Variants in TMEM161B observed in about 807,000 individuals in gnomAD.
The protein encoded by TMEM161B is transmembrane protein 161B.
A neutral mutation model predicts 61.8 loss-of-function variants in TMEM161B; 34 were observed. That is an observed-to-expected ratio of 0.55 (90% CI 0.42 to 0.73). The LOEUF (loss-of-function observed/expected upper bound fraction) is 0.73, where lower values mean the gene tolerates loss of function less well. TMEM161B is among the 30% of genes least tolerant of loss of function. The pLI is 0.00. For missense variants in TMEM161B, 456 were observed against 558.5 expected (o/e 0.82, Z 1.85); for synonymous variants, 167 against 192.8 (o/e 0.87, Z 1.11).
At position 88,196,364 on chromosome 5, in the gene TMEM161B, T is replaced by C. The variant is rs1245699822; in HGVS notation, c.1311A>G (p.Thr437=). ...SAEGKMKVTV[T]QITVALSSLK... ...AGCTGCTCAGTGCCACTGTTATTTG[T>C]GTAACAGTTACCTTCATTTTCCCTT... is the stretch of plus-strand genomic sequence containing the variant. Residue 437 remains threonine (T), a synonymous_variant, in exon 12 of 12, where the codon ACA becomes ACG. Coordinates refer to ENST00000296595, the MANE Select transcript of TMEM161B (RefSeq NM_153354.5). The C allele has an allele frequency of 6.2e-7, 1 of 1,613,336 alleles. No homozygotes were observed. The highest frequency in any genetic ancestry group is 8.5e-7 in the Non-Finnish European group (1 of 1,179,578).
rs529923255 is a variant in TMEM161B at position 88,256,555 on chromosome 5, T to C, written c.3+12166A>G. Among the ~76,000 whole-genome samples, 103 of 152,364 alleles carry C rather than the reference T, an allele frequency of 6.8e-4. 2 individuals are homozygous for C. In the South Asian group the frequency reaches 0.014, roughly 21 times the overall value. On this transcript the variant is annotated intron_variant, in intron 1 of 11. Transcript: ENST00000296595. The stretch of plus-strand genomic sequence containing the variant: ...TGCTACTGAGTCTTCAACATTCATG[T>C]GCACTATAAAACGTTCATTGACTTT...
intron 1 of TMEM161B, among the ~76,000 whole-genome samples, chr5:88,262,762 T>C (rs758765646): frequency 2.0e-5 from 3 of 152,076 alleles, no homozygotes; most frequent in Non-Finnish European, 2.9e-5. Flanking sequence ...TCAATGTAGA[T>C]TCATCAATTG....
At chr5:88,249,010 G>A (rs764795928) in intron 1 of TMEM161B, among the ~76,000 whole-genome samples, 1 of 152,088 alleles carries the variant, frequency 6.6e-6, no homozygotes, top group Non-Finnish European at 1.5e-5. Context: ...AATGGAAAGT[G>A]GTTTTACAAA....
chr5:88,246,116 A>C (rs1753582660), intron 1 of TMEM161B, among the ~76,000 whole-genome samples: 1 of 151,872 alleles, frequency 6.6e-6, no homozygotes. Context: ...ACCTCACTCT[A>C]TCTCTTTACT....
intron 9 of TMEM161B, chr5:88,199,389 G>C: frequency 2.9e-6 from 1 of 348,568 alleles, no homozygotes; most frequent in Non-Finnish European, 5.1e-6. Context: ...GAAAAAAGTA[G>C]AGCAATACAT....
chr5:88,206,005 G>T, intron 7 of TMEM161B, 51 bp from the exon 8 acceptor site: 1 of 1,349,278 alleles, frequency 7.4e-7, no homozygotes, highest in Non-Finnish European at 1.0e-6. Flanking sequence ...ATTAGCTTTT[G>T]AAGAATTTCT....
chr5:88,268,339 G>T (rs1036756263), intron 1 of TMEM161B, among the ~76,000 whole-genome samples: 2 of 152,206 alleles, frequency 1.3e-5, no homozygotes, highest in Admixed American at 6.5e-5. Context: ...GCATTTCTAA[G>T]ATCTGAAGTT....
At chr5:88,229,718 G>T (rs566095907) in intron 2 of TMEM161B, among the ~76,000 whole-genome samples, 2 of 148,916 alleles carry the variant, frequency 1.3e-5, no homozygotes, top group African/African-American at 5.0e-5. Context: ...CAAAAATCTA[G>T]ATTTTTTAAA....
chr5:88,203,746 C>T (rs1416924816), intron 8 of TMEM161B, among the ~76,000 whole-genome samples: 2 of 85,330 alleles, frequency 2.3e-5, no homozygotes, highest in Admixed American at 1.3e-4. Flanking sequence ...AATAATTTCC[C>T]TATCATATAT....
chr5:88,187,863 T>C (rs1580264247), downstream of TMEM161B, among the ~76,000 whole-genome samples: 1 of 152,188 alleles, frequency 6.6e-6, no homozygotes, highest in East Asian at 1.9e-4. Flanking sequence ...TGATGATCTC[T>C]TATAGCTTCT....
chr5:88,253,852 T>C (rs1754650351), intron 1 of TMEM161B, among the ~76,000 whole-genome samples: 1 of 151,982 alleles, frequency 6.6e-6, no homozygotes, highest in African/African-American at 2.4e-5. Context: ...AAAAAATAAA[T>C]TAGGCATGAG....
chr5:88,221,968 C>T (rs1312531119), intron 4 of TMEM161B, among the ~76,000 whole-genome samples: 1 of 152,158 alleles, frequency 6.6e-6, no homozygotes, highest in Non-Finnish European at 1.5e-5. Flanking sequence ...AACAAACTAA[C>T]CAAATTTTGT....
intron 1 of TMEM161B, among the ~76,000 whole-genome samples, chr5:88,249,057 C>T (rs180994745): frequency 1.5e-3 from 222 of 152,200 alleles, no homozygotes; most frequent in African/African-American, 4.6e-3. Flanking sequence ...AGTTTTGCCA[C>T]GCAAACTGGG....
intron 3 of TMEM161B, among the ~76,000 whole-genome samples, chr5:88,226,343 G>A (rs557839587): frequency 1.5e-3 from 223 of 152,200 alleles, no homozygotes; most frequent in Non-Finnish European, 2.5e-3. Flanking sequence ...GACTAACTTG[G>A]AATAGTTTTT....
At chr5:88,208,359 G>A (rs1339024447) in intron 5 of TMEM161B, among the ~76,000 whole-genome samples, 1 of 152,230 alleles carries the variant, frequency 6.6e-6, no homozygotes, top group African/African-American at 2.4e-5. Context: ...GCGGGCGCCT[G>A]TAGTCATAGC....
At chr5:88,251,214 C>T (rs1754304995) in intron 1 of TMEM161B, among the ~76,000 whole-genome samples, 1 of 151,904 alleles carries the variant, frequency 6.6e-6, no homozygotes, top group African/African-American at 2.4e-5. Context: ...GCCACAGGAC[C>T]AGATGAGTCA....
In TMEM161B at chr5:88,205,973, A is replaced by T. The variant is rs1463436292; in HGVS notation, c.660-19T>A. 2.6e-6 allele frequency: 4 copies of T among 1,529,004 alleles called. No individual in the cohort carries two copies. In the African/African-American group the frequency reaches 5.6e-5, roughly 22 times the overall value. The allele number at this position is 1,529,004 out of a possible 1,614,324, so 94.7% of individuals were successfully genotyped here. A position where few individuals can be genotyped will look rare whatever the true frequency, so the allele number is the denominator to read the frequency against. On this transcript the variant is annotated intron_variant, in intron 7 of 11. Coordinates refer to ENST00000296595, the MANE Select transcript of TMEM161B (RefSeq NM_153354.5). ...AGGACTCCTAAAAATAAAATTTTTTAAAAAGCTGATAAATTTTTATAATTA... is the reference window on the plus strand; with the variant it reads ...AGGACTCCTAAAAATAAAATTTTTTTAAAAGCTGATAAATTTTTATAATTA...
chr5:88,185,595 T>C (rs1393960451), downstream of TMEM161B, among the ~76,000 whole-genome samples: 2 of 152,182 alleles, frequency 1.3e-5, no homozygotes, highest in Non-Finnish European at 2.9e-5. Flanking sequence ...TAACTATATT[T>C]TATATGTTCA....
At position 88,203,169 on chromosome 5, in the gene TMEM161B, C is replaced by A. The variant is rs1254799182; in HGVS notation, c.801-94G>T. The A allele has an allele frequency of 4.1e-6, 3 of 725,202 alleles. No homozygotes were observed. The African/African-American group carries it at 5.3e-5, about 13-fold the overall frequency. 44.9% of individuals were successfully genotyped at this position (725,202 alleles called of 1,614,324 possible). ...GGTCTTACTAAAATGGAGGTAGGAG[C>A]TTATTTGCAGTATTCTACTACTTAC... On this transcript the variant is annotated intron_variant, in intron 8 of 11. Coordinates refer to ENST00000296595, the MANE Select transcript of TMEM161B (RefSeq NM_153354.5).
Sources: gnomAD v4.1 joint callset for allele counts (sites outside exome capture counted in the v4.1 genomes callset) on GRCh38, gnomAD v4.1.1 for gene constraint, MANE v1.5 for transcripts, NCBI Gene and HGNC (gene_info 2026-07-23, HGNC 2026-07-21) for gene names.